The following LINGO2 variants were observed in gnomAD, a reference collection of about 807,000 sequenced individuals.
LINGO2 encodes leucine rich repeat and Ig domain containing 2, also known as leucine-rich repeat and immunoglobulin-like domain-containing nogo receptor-interacting protein 2.
In LINGO2, 14 loss-of-function variants were observed where a neutral mutation model predicts 30.6. The ratio of observed to expected loss-of-function variants is 0.46; its 90% CI spans 0.30 to 0.72. The LOEUF is 0.72. Among genes scored for constraint, LINGO2 ranks in the 30% least tolerant of loss-of-function variants. The pLI is 0.07. For synonymous variants in LINGO2, 317 were observed against 288.5 expected (o/e 1.10, Z -1.00); for missense variants, 729 against 751.7 (o/e 0.97, Z 0.35).
At chr9:28,861,284 T>G in the LINGO2 span, among the ~76,000 whole-genome samples, 1 of 124,908 alleles carries the variant, frequency 8.0e-6, no homozygotes, top group South Asian at 2.2e-4. Flanking sequence ...ATTTATATAT[T>G]ATATATTTTA....
the LINGO2 span, among the ~76,000 whole-genome samples, chr9:29,129,705 T>C: frequency 6.6e-6 from 1 of 152,068 alleles, no homozygotes; most frequent in African/African-American, 2.4e-5. Context: ...TTATGGACTT[T>C]AAAAGGGGGT....
the LINGO2 span, among the ~76,000 whole-genome samples, chr9:29,067,331 A>G: frequency 6.6e-6 from 1 of 151,726 alleles, no homozygotes; most frequent in East Asian, 1.9e-4. Flanking sequence ...AAGAATGTGG[A>G]AAATTCTATT....
At chr9:28,111,012 T>A (rs1450641651) in intron 4 of LINGO2, among the ~76,000 whole-genome samples, 1 of 151,984 alleles carries the variant, frequency 6.6e-6, no homozygotes, top group Non-Finnish European at 1.5e-5. Flanking sequence ...ATAGACTGGA[T>A]AAAGAAAATG....
chr9:29,100,795 G>C, the LINGO2 span, among the ~76,000 whole-genome samples: 3 of 152,116 alleles, frequency 2.0e-5, no homozygotes, highest in Non-Finnish European at 2.9e-5. Context: ...TGATTATTAT[G>C]TATTGCGTGC....
chr9:28,431,027 G>GAT (rs1294544115), intron 2 of LINGO2, among the ~76,000 whole-genome samples: 1 of 56,858 alleles, frequency 1.8e-5, no homozygotes, highest in East Asian at 5.0e-4. Context: ...CAGCATGAGT[G>GAT]ATGAGAGAGA....
intron 1 of LINGO2, among the ~76,000 whole-genome samples, chr9:28,478,960 A>G (rs1825828899): frequency 6.6e-6 from 1 of 152,010 alleles, no homozygotes; most frequent in Admixed American, 6.6e-5. Context: ...TTTACAGTAT[A>G]CATTTTAGCT....
At chr9:28,163,391 G>A (rs1278628419) in intron 4 of LINGO2, among the ~76,000 whole-genome samples, 1 of 152,086 alleles carries the variant, frequency 6.6e-6, no homozygotes, top group African/African-American at 2.4e-5. Context: ...TGAAAGCAAT[G>A]TAATGTGAAT....
the LINGO2 span, among the ~76,000 whole-genome samples, chr9:28,922,127 T>C: frequency 6.6e-6 from 1 of 152,214 alleles, no homozygotes; most frequent in Non-Finnish European, 1.5e-5. Context: ...TCCTCTTTCA[T>C]TACTATTTCT....
chr9:28,970,507 G>A, the LINGO2 span, among the ~76,000 whole-genome samples: 49 of 152,146 alleles, frequency 3.2e-4, no homozygotes, highest in East Asian at 4.7e-3. Flanking sequence ...ATCTCGAATC[G>A]CTAATGCAAC....
At chr9:29,154,116 C>A in the LINGO2 span, among the ~76,000 whole-genome samples, 1 of 152,028 alleles carries the variant, frequency 6.6e-6, no homozygotes, top group Non-Finnish European at 1.5e-5. Flanking sequence ...TTTCAGTGAG[C>A]AACTAAAAAT....
At chr9:28,401,258 A>G (rs1469423425) in intron 2 of LINGO2, among the ~76,000 whole-genome samples, 2 of 151,816 alleles carry the variant, frequency 1.3e-5, no homozygotes, top group East Asian at 1.9e-4. Context: ...TGCTGCACCT[A>G]TTGAGCCATC....
the LINGO2 span, among the ~76,000 whole-genome samples, chr9:28,875,360 C>T: frequency 3.8e-4 from 58 of 152,090 alleles, no homozygotes; most frequent in African/African-American, 1.2e-3. Flanking sequence ...ATGTGAGAAC[C>T]ATTTGAAAGT....
At chr9:28,899,614 C>A in the LINGO2 span, among the ~76,000 whole-genome samples, 1 of 152,236 alleles carries the variant, frequency 6.6e-6, no homozygotes, top group Non-Finnish European at 1.5e-5. Flanking sequence ...CCTGAAGATA[C>A]AAGCTCTAGG....
At chr9:29,182,801 A>T in the LINGO2 span, among the ~76,000 whole-genome samples, 1 of 151,862 alleles carries the variant, frequency 6.6e-6, no homozygotes, top group Admixed American at 6.6e-5. Flanking sequence ...AGCATTTCAT[A>T]TTTTCAACAA....
intron 4 of LINGO2, among the ~76,000 whole-genome samples, chr9:28,046,738 CTT>C (rs755889363): frequency 4.6e-5 from 7 of 151,418 alleles, no homozygotes; most frequent in Middle Eastern, 3.4e-3. Flanking sequence ...CATATCTCCT[CTT>C]TATCTACCAC....
intron 4 of LINGO2, among the ~76,000 whole-genome samples, chr9:28,170,047 A>T (rs944105767): frequency 7.2e-5 from 11 of 152,204 alleles, no homozygotes; most frequent in African/African-American, 2.7e-4. Flanking sequence ...ACAACAATGG[A>T]AGTTCCAAGG....
At chr9:28,455,012 A>G (rs925420695) in intron 2 of LINGO2, among the ~76,000 whole-genome samples, 1 of 152,142 alleles carries the variant, frequency 6.6e-6, no homozygotes, top group South Asian at 2.1e-4. Flanking sequence ...GATTTTCCAA[A>G]TCATTTTGTT....
chr9:28,374,214 A>T lies in LINGO2; in HGVS notation c.-278-1346T>A, dbSNP rs60247937. Among the ~76,000 whole-genome samples the T allele has an allele frequency of 2.0e-3, 288 of 147,608 alleles. 2 individuals carry two copies. The highest frequency in any genetic ancestry group is 6.7e-3 in the African/African-American group (273 of 40,774). On this transcript the variant is annotated intron_variant, in intron 2 of 5. Transcript: ENST00000379992. Reference sequence around the variant, plus strand: ...TTGTTAAAAATATGTTTTTATTTATATATATATATATATATATGTAATATC... The same window carrying T: ...TTGTTAAAAATATGTTTTTATTTATTTATATATATATATATATGTAATATC...
the LINGO2 span, among the ~76,000 whole-genome samples, chr9:29,188,163 C>A: frequency 1.3e-5 from 2 of 151,094 alleles, no homozygotes; most frequent in Admixed American, 6.6e-5. Context: ...GAGGACCCTG[C>A]GGCCTTCCGC....
Sources: gnomAD v4.1 joint callset for allele counts (sites outside exome capture counted in the v4.1 genomes callset) on GRCh38, gnomAD v4.1.1 for gene constraint, MANE v1.5 for transcripts, NCBI Gene and HGNC (gene_info 2026-07-23, HGNC 2026-07-21) for gene names.